CNGA1: variants seen among roughly 807,000 people sequenced by gnomAD.
The protein encoded by CNGA1 is cyclic nucleotide gated channel subunit alpha 1, also known as cyclic nucleotide-gated channel alpha-1.
CNGA1 carries 53 observed loss-of-function variants against 69.7 expected under a neutral mutation model. The ratio of observed to expected loss-of-function variants is 0.76; its 90% CI spans 0.61 to 0.96. The LOEUF (loss-of-function observed/expected upper bound fraction) is 0.96, where lower values mean the gene tolerates loss of function less well. CNGA1 is among the 40% of genes least tolerant of loss of function. CNGA1 has a pLI of 0.00. For synonymous variants in CNGA1, 249 were observed against 283.5 expected (o/e 0.88, Z 1.22); for missense variants, 739 against 811.2 (o/e 0.91, Z 1.08).
intron 2 of CNGA1, among the ~76,000 whole-genome samples, chr4:48,001,481 T>C (rs192169293): frequency 7.9e-5 from 12 of 152,166 alleles, no homozygotes; most frequent in Admixed American, 4.6e-4. Context: ...AAAATGCTAA[T>C]AACACAGCTG....
chr4:48,006,545 C>A (rs1714925256), intron 2 of CNGA1, among the ~76,000 whole-genome samples: 1 of 152,056 alleles, frequency 6.6e-6, no homozygotes, highest in East Asian at 1.9e-4. Flanking sequence ...AATTTTTATA[C>A]CAAATAACCA....
chr4:47,990,268 A>G (rs2581495), intron 2 of CNGA1, among the ~76,000 whole-genome samples: 146,857 of 152,102 alleles, frequency 0.97, 71,124 homozygotes, highest in Middle Eastern at 1. Context: ...GAGAAATATC[A>G]CTGAATTCTT....
At chr4:47,989,539 T>C (rs1014531122) in intron 2 of CNGA1, among the ~76,000 whole-genome samples, 3 of 152,174 alleles carry the variant, frequency 2.0e-5, no homozygotes, top group African/African-American at 7.2e-5. Context: ...AAATTATTTA[T>C]TATTGTGTCT....
intron 3 of CNGA1, among the ~76,000 whole-genome samples, chr4:47,955,806 A>G (rs1560628734): frequency 6.6e-6 from 1 of 151,990 alleles, no homozygotes; most frequent in Non-Finnish European, 1.5e-5. Context: ...CAAGGCTACA[A>G]CCTCCTCTGG....
intron 1 of CNGA1, chr4:48,012,739 AACAG>A (rs1311676549): frequency 1.3e-5 from 2 of 152,062 alleles, no homozygotes; most frequent in Non-Finnish European, 1.5e-5. Flanking sequence ...AACAATAAAA[AACAG>A]ACAACAACAA....
intron 3 of CNGA1, among the ~76,000 whole-genome samples, chr4:47,955,384 T>C (rs1740027994): frequency 6.6e-6 from 1 of 152,070 alleles, no homozygotes; most frequent in African/African-American, 2.4e-5. Flanking sequence ...GGTTTCGCCA[T>C]GTTGGTCAGG....
At chr4:47,970,515 G>T (rs993271296) in intron 3 of CNGA1, among the ~76,000 whole-genome samples, 4 of 151,956 alleles carry the variant, frequency 2.6e-5, no homozygotes, top group Admixed American at 2.6e-4. Flanking sequence ...AGTTGGGCAT[G>T]GTGGCGCATG....
At chr4:47,987,079 C>G (rs777137253) in intron 2 of CNGA1, among the ~76,000 whole-genome samples, 21 of 150,404 alleles carry the variant, frequency 1.4e-4, no homozygotes, top group Admixed American at 6.6e-4. Flanking sequence ...ATTTCTTTTC[C>G]GGGTACCTGC....
chr4:47,994,527 T>A (rs924192020), intron 2 of CNGA1, among the ~76,000 whole-genome samples: 13 of 152,166 alleles, frequency 8.5e-5, no homozygotes, highest in African/African-American at 3.1e-4. Context: ...TGAAACGTCT[T>A]TTTCCACCCC....
intron 3 of CNGA1, among the ~76,000 whole-genome samples, chr4:47,972,726 T>C (rs1185585180): frequency 1.3e-5 from 2 of 152,206 alleles, no homozygotes; most frequent in Non-Finnish European, 2.9e-5. Context: ...TCATTCAACA[T>C]TTAACACATA....
intron 2 of CNGA1, among the ~76,000 whole-genome samples, chr4:47,988,993 G>A (rs1004864044): frequency 1.3e-5 from 2 of 151,826 alleles, no homozygotes; most frequent in African/African-American, 4.8e-5. Context: ...AAAAAAAAAA[G>A]GATATTACAT....
intron 2 of CNGA1, among the ~76,000 whole-genome samples, chr4:48,008,269 T>G (rs532400179): frequency 6.6e-6 from 1 of 152,318 alleles, no homozygotes; most frequent in South Asian, 2.1e-4. Flanking sequence ...GAACATCCCT[T>G]TCTTAAACAA....
intron 2 of CNGA1, among the ~76,000 whole-genome samples, chr4:47,991,747 A>G (rs905111695): frequency 3.9e-5 from 6 of 152,174 alleles, no homozygotes; most frequent in Non-Finnish European, 8.8e-5. Flanking sequence ...TGCCTAAGCC[A>G]ATGTCTAGAA....
At chr4:47,972,323 C>T (rs1741090433) in intron 3 of CNGA1, among the ~76,000 whole-genome samples, 1 of 152,080 alleles carries the variant, frequency 6.6e-6, no homozygotes, top group Non-Finnish European at 1.5e-5. Flanking sequence ...AACAATGCTG[C>T]AATAAAAGTC....
Position 47,937,080 on chromosome 4 carries a change from C to G in CNGA1, c.1402G>C (p.Asp468His). The G allele has an allele frequency of 3.1e-6, 5 of 1,614,206 alleles. No homozygotes were observed. Among genetic ancestry groups the G allele is most frequent in the Non-Finnish European group, 4.2e-6 (5 of 1,180,046 alleles). The change falls in exon 11 of 11, where the codon GAC becomes CAC. Residue 468 changes from aspartate to histidine, a missense_variant. Coordinates refer to ENST00000514170, the MANE Select transcript of CNGA1 (RefSeq NM_001379270.1). ...AAAATGCGTACCTTTTTTAATGTGT[C>G]TAAGTGAACGTTGATGGCAATTTCT... is the stretch of plus-strand genomic sequence containing the variant. ...RAEIAINVHL[D>H]TLKKVRIFAD...
intron 3 of CNGA1, among the ~76,000 whole-genome samples, chr4:47,971,854 A>C (rs566213788): frequency 5.9e-5 from 9 of 152,066 alleles, no homozygotes; most frequent in Non-Finnish European, 1.2e-4. Context: ...AGATCATGCC[A>C]TTGCACTCCA....
At chr4:48,015,142 C>T (rs547364186) in intron 1 of CNGA1, among the ~76,000 whole-genome samples, 7 of 152,204 alleles carry the variant, frequency 4.6e-5, no homozygotes, top group African/African-American at 1.7e-4. Context: ...CGCGCCACTG[C>T]ACTCCAGCCT....
intron 3 of CNGA1, among the ~76,000 whole-genome samples, chr4:47,967,442 T>C (rs529351345): frequency 9.2e-5 from 14 of 152,326 alleles, no homozygotes; most frequent in Non-Finnish European, 8.8e-5. Flanking sequence ...CTGGAGGTTC[T>C]AGCGCTTGCA....
intron 3 of CNGA1, among the ~76,000 whole-genome samples, chr4:47,964,212 C>T (rs1396573929): frequency 6.6e-6 from 1 of 152,152 alleles, no homozygotes; most frequent in African/African-American, 2.4e-5. Context: ...TCTTTGGAGA[C>T]CTCATGCCTT....
Sources: allele counts gnomAD v4.1 joint callset (sites outside exome capture counted in the v4.1 genomes callset), GRCh38; gene constraint gnomAD v4.1.1; transcripts MANE v1.5; gene names NCBI Gene and HGNC (gene_info 2026-07-23, HGNC 2026-07-21).